ADI1: variants seen among roughly 807,000 people sequenced by gnomAD.
ADI1 encodes acireductone dioxygenase.
A neutral mutation model predicts 18.7 loss-of-function variants in ADI1; 21 were observed. The ratio of observed to expected loss-of-function variants is 1.13; its 90% confidence interval spans 0.80 to 1.62. ADI1 has a LOEUF of 1.62. ADI1 is among the 40% of genes most tolerant of loss of function. ADI1 has a pLI of 0.00. For synonymous variants in ADI1, 90 were observed against 100.1 expected (o/e 0.90, Z 0.60); for missense variants, 245 against 254.9 (o/e 0.96, Z 0.26).
chr2:3,502,450 C>CT (rs35773710), intron 2 of ADI1, among the ~76,000 whole-genome samples: 2,511 of 130,720 alleles, frequency 0.019, 34 homozygotes, highest in Non-Finnish European at 0.024. Flanking sequence ...GGAAATAGCT[C>CT]TTTTTTTTTT....
Position 3,498,537 on chromosome 2 carries a change from C to G in ADI1, c.*426G>C. ...GCCCCTTAGGGTGGGAGCTCTTCCCCCTACCACTCCCCACCCCAAGGCATC... is the reference window on the plus strand; with the variant it reads ...GCCCCTTAGGGTGGGAGCTCTTCCCGCTACCACTCCCCACCCCAAGGCATC... On this transcript the variant is annotated 3_prime_UTR_variant, in exon 4 of 4. Coordinates refer to ENST00000327435, the MANE Select transcript of ADI1 (RefSeq NM_018269.4). The G allele has an allele frequency of 6.4e-6, 1 of 156,842 alleles. No individual in the cohort carries two copies. Among genetic ancestry groups the G allele is most frequent in the Admixed American group, 6.4e-5 (1 of 15,614 alleles). 9.7% of individuals were successfully genotyped at this position (156,842 alleles called of 1,614,324 possible). A position where few individuals can be genotyped will look rare whatever the true frequency, so the allele number is the denominator to read the frequency against.
intron 2 of ADI1, among the ~76,000 whole-genome samples, chr2:3,509,415 A>G (rs1667248004): frequency 6.6e-6 from 1 of 152,210 alleles, no homozygotes; most frequent in African/African-American, 2.4e-5. Flanking sequence ...AAGACAGATA[A>G]CATTCTGGAC....
At chr2:3,504,313 C>T (rs547585128) in intron 2 of ADI1, among the ~76,000 whole-genome samples, 14 of 152,298 alleles carry the variant, frequency 9.2e-5, no homozygotes, top group African/African-American at 2.4e-4. Context: ...AAGAATAAGC[C>T]GGTATCAGCA....
intron 2 of ADI1, among the ~76,000 whole-genome samples, chr2:3,501,412 A>G (rs1407123423): frequency 1.3e-5 from 2 of 152,154 alleles, no homozygotes; most frequent in Admixed American, 6.6e-5. Context: ...GCTCACACCC[A>G]CCCAGTGTGC....
At chr2:3,518,222 T>C (rs963151025) in intron 1 of ADI1, among the ~76,000 whole-genome samples, 4 of 152,222 alleles carry the variant, frequency 2.6e-5, no homozygotes, top group South Asian at 2.1e-4. Flanking sequence ...GGTATGCCAA[T>C]TGTCACTTCC....
At position 3,498,484 on chromosome 2, in the gene ADI1, A is replaced by C. The variant is rs1199987699; in HGVS notation, c.*479T>G. The stretch of plus-strand genomic sequence containing the variant: ...TAAGGCAGTTACTTTATTTTGAACA[A>C]GGAAGTGGCATAAGCAACTCAGTGT... On this transcript the variant is annotated 3_prime_UTR_variant, in exon 4 of 4. Coordinates refer to ENST00000327435, the MANE Select transcript of ADI1 (RefSeq NM_018269.4). 1 of 153,194 alleles carries C rather than the reference A, an allele frequency of 6.5e-6. No individual in the cohort carries two copies. The highest frequency in any genetic ancestry group is 1.5e-5 in the Non-Finnish European group (1 of 68,730). 9.5% of individuals were successfully genotyped at this position (153,194 alleles called of 1,614,324 possible).
Position 3,498,796 on chromosome 2 carries a change from T to C in ADI1, c.*167A>G. ...TGACTCTTTACACTTCCAAGTTGCT[T>C]TCTAGATCCTTTCATTACAAAATAT... On this transcript the variant is annotated 3_prime_UTR_variant, in exon 4 of 4. Transcript: ENST00000327435. 9.9e-6 allele frequency: 12 copies of C among 1,211,274 alleles called. No homozygotes were observed. Among genetic ancestry groups the C allele is most frequent in the Non-Finnish European group, 1.1e-5 (10 of 887,132 alleles). 75.0% of individuals were successfully genotyped at this position (1,211,274 alleles called of 1,614,324 possible).
intron 1 of ADI1, chr2:3,516,111 T>C (rs914862716): frequency 2.1e-6 from 2 of 935,236 alleles, no homozygotes; most frequent in Non-Finnish European, 2.6e-6. Flanking sequence ...ACAAATGTGA[T>C]AGTATTAAGG....
At chr2:3,503,209 A>G (rs6707268) in intron 2 of ADI1, among the ~76,000 whole-genome samples, 25,959 of 122,546 alleles carry the variant, frequency 0.21, 5,276 homozygotes, top group African/African-American at 0.5. Flanking sequence ...ATGCATTCAC[A>G]CACATGCACA....
At position 3,518,144 on chromosome 2, in the gene ADI1, T is replaced by C. The variant is rs185312985; in HGVS notation, c.120+1224A>G. Among the ~76,000 whole-genome samples the C allele has an allele frequency of 2.6e-4, 39 of 152,358 alleles. No homozygotes were observed. The East Asian group carries it at 5.8e-3, about 23-fold the overall frequency. On this transcript the variant is annotated intron_variant, in intron 1 of 3. Transcript: ENST00000327435. ...AAGAAGTACCCTCCAGCAAGGTAAGTGTTAAACCTTATCCTAGGAAAAGAC... is the reference window on the plus strand; with the variant it reads ...AAGAAGTACCCTCCAGCAAGGTAAGCGTTAAACCTTATCCTAGGAAAAGAC...
chr2:3,501,707 C>T (rs11695921), intron 2 of ADI1, among the ~76,000 whole-genome samples: 75,795 of 151,346 alleles, frequency 0.5, 22,203 homozygotes, highest in African/African-American at 0.83. Context: ...TTTGTATTCT[C>T]AGTAGAGATG....
intron 1 of ADI1, 78 bp from the exon 2 acceptor site, chr2:3,514,054 A>T (rs772963184): frequency 8.8e-6 from 13 of 1,470,358 alleles, no homozygotes; most frequent in Non-Finnish European, 1.2e-5. Flanking sequence ...TGGATCTCCA[A>T]TATGATTTTA....
At chr2:3,516,743 T>C in intron 1 of ADI1, 1 of 985,250 alleles carries the variant, frequency 1.0e-6, no homozygotes, top group Non-Finnish European at 1.2e-6. Flanking sequence ...CAAGCTAAAA[T>C]AATCTTCCAA....
chr2:3,504,266 C>G (rs929927614), intron 2 of ADI1, among the ~76,000 whole-genome samples: 1 of 152,196 alleles, frequency 6.6e-6, no homozygotes, highest in African/African-American at 2.4e-5. Context: ...GTGGCAATCA[C>G]AAGATCGTCA....
rs3349 is a variant in ADI1 at position 3,498,427 on chromosome 2, T to A, written c.*536A>T. ...AGGCAAAATATCACATATACCTGAA[T>A]ATAAGGTAACTCCAAGCCATGAGTA... On this transcript the variant is annotated 3_prime_UTR_variant, in exon 4 of 4. Coordinates refer to ENST00000327435, the MANE Select transcript of ADI1 (RefSeq NM_018269.4). 45,605 of 152,166 alleles carry A rather than the reference T, an allele frequency of 0.3. 9,855 individuals are homozygous for A. Among genetic ancestry groups the A allele is most frequent in the African/African-American group, 0.61 (25,353 of 41,458 alleles). The allele number at this position is 152,166 out of a possible 1,614,324, so 9.4% of individuals were successfully genotyped here.
chr2:3,498,887 G>A lies in ADI1; in HGVS notation c.*76C>T. The A allele has an allele frequency of 2.0e-6, 3 of 1,523,112 alleles. No individual in the cohort carries two copies. Among genetic ancestry groups the A allele is most frequent in the Non-Finnish European group, 2.7e-6 (3 of 1,126,790 alleles). 94.3% of individuals were successfully genotyped at this position (1,523,112 alleles called of 1,614,324 possible). ...CAAGGCTATCCTCTAAAAGCAAAGA[G>A]AAAGTGATTGATTTTCTGCTCAGTC... On this transcript the variant is annotated 3_prime_UTR_variant, in exon 4 of 4. Coordinates refer to ENST00000327435, the MANE Select transcript of ADI1 (RefSeq NM_018269.4).
chr2:3,507,005 T>C (rs1254691026), intron 2 of ADI1, among the ~76,000 whole-genome samples: 4 of 152,240 alleles, frequency 2.6e-5, no homozygotes, highest in African/African-American at 7.2e-5. Context: ...GCATGTTGTC[T>C]ACTTTTTCCA....
intron 1 of ADI1, chr2:3,515,097 A>G (rs548104343): frequency 3.3e-5 from 10 of 300,502 alleles, no homozygotes; most frequent in South Asian, 8.7e-5. Context: ...AAAAAATAAA[A>G]TAACAGCGAT....
chr2:3,512,972 C>T (rs539801915), intron 2 of ADI1, among the ~76,000 whole-genome samples: 29 of 152,344 alleles, frequency 1.9e-4, no homozygotes, highest in Non-Finnish European at 3.4e-4. Flanking sequence ...ATTCCTTGCA[C>T]CAGTGTGCCC....
Sources: allele counts gnomAD v4.1 joint callset (sites outside exome capture counted in the v4.1 genomes callset), GRCh38; gene constraint gnomAD v4.1.1; transcripts MANE v1.5; gene names NCBI Gene and HGNC (gene_info 2026-07-23, HGNC 2026-07-21).